The following DUOX2 variants were observed in gnomAD, a reference collection of about 807,000 sequenced individuals.
DUOX2 encodes NADH/NADPH thyroid oxidase p138-tox.
DUOX2 carries 185 observed loss-of-function variants against 183.3 expected under a neutral mutation model. That is an observed-to-expected ratio of 1.01 (90% confidence interval 0.90 to 1.14). The LOEUF (loss-of-function observed/expected upper bound fraction) is 1.14, where lower values mean the gene tolerates loss of function less well. Ranked by LOEUF, DUOX2 falls within the 50% of genes most tolerant of loss-of-function variation. DUOX2 has a pLI of 0.00. For missense variants in DUOX2, 1,999 were observed against 2,022.9 expected (o/e 0.99, Z 0.23); for synonymous variants, 788 against 812.4 (o/e 0.97, Z 0.51).
At chr15:45,106,758 A>C in intron 15 of DUOX2, 74 bp downstream of exon 15, 1 of 1,604,078 alleles carries the variant, frequency 6.2e-7, no homozygotes, top group Non-Finnish European at 8.5e-7. Flanking sequence ...AAACGGTACC[A>C]AATAGCCAGC....
intron 12 of DUOX2, 54 bp downstream of exon 12, chr15:45,108,735 C>A (rs993809364): frequency 6.4e-7 from 1 of 1,569,686 alleles, no homozygotes; most frequent in Non-Finnish European, 8.8e-7. Flanking sequence ...GGGTTTGGAA[C>A]AGTATTGCCA....
Position 45,112,038 on chromosome 15 carries a change from G to A in DUOX2, c.326-83C>T. 3.9e-6 allele frequency: 6 copies of A among 1,537,088 alleles called. 1 individual carries two copies. The South Asian group carries it at 5.9e-5, about 15-fold the overall frequency. The stretch of plus-strand genomic sequence containing the variant: ...CCAGGGCGGCCTCCAAGTGTCCTCA[G>A]GAGCCAAAAGACAGAGGTCCCAGTG... On this transcript the variant is annotated intron_variant, in intron 4 of 33. Coordinates refer to ENST00000389039, the MANE Select transcript of DUOX2 (RefSeq NM_001363711.2).
chr15:45,111,722 C>T lies in DUOX2; in HGVS notation c.513+46G>A, dbSNP rs1435872677. ...CCTGCCAGGCCCGAAGCCCAGGCCC[C>T]ACCTGGCTGGGGTGCGGTCCCTTCC... On this transcript the variant is annotated intron_variant, in intron 5 of 33. Transcript: ENST00000389039. The T allele has an allele frequency of 2.7e-6, 4 of 1,494,832 alleles. No homozygotes were observed. In the South Asian group the frequency reaches 5.3e-5, roughly 20 times the overall value. The allele number at this position is 1,494,832 out of a possible 1,614,324, so 92.6% of individuals were successfully genotyped here.
At chr15:45,095,227 C>G in intron 31 of DUOX2, 136 bp from the exon 32 acceptor site, 1 of 1,403,704 alleles carries the variant, frequency 7.1e-7, no homozygotes, top group Non-Finnish European at 9.7e-7. Flanking sequence ...CCAGCCTGAT[C>G]CCAGGCTTCC....
In DUOX2 at chr15:45,101,781, T is replaced by G; in HGVS notation, c.2851+12A>C. 1 of 1,614,168 alleles carries G rather than the reference T, an allele frequency of 6.2e-7. No homozygotes were observed. Among genetic ancestry groups the G allele is most frequent in the East Asian group, 2.2e-5 (1 of 44,878 alleles). ...CCCCCTCCCTGACGCCAACCATTCC[T>G]CACACACTCACCATTTCCACCTCCA... is the stretch of plus-strand genomic sequence containing the variant. On this transcript the variant is annotated intron_variant, in intron 21 of 33. Coordinates refer to ENST00000389039, the MANE Select transcript of DUOX2 (RefSeq NM_001363711.2).
At chr15:45,099,550 A>G in intron 25 of DUOX2, 68 bp from the exon 26 acceptor site, 2 of 1,579,120 alleles carry the variant, frequency 1.3e-6, no homozygotes, top group Non-Finnish European at 1.7e-6. Flanking sequence ...TGAGGGAGAG[A>G]GGAGGCATAG....
chr15:45,109,484 C>G, intron 11 of DUOX2, 40 bp downstream of exon 11: 2 of 1,596,194 alleles, frequency 1.3e-6, no homozygotes, highest in Non-Finnish European at 1.7e-6. Flanking sequence ...CTCAGGCTTC[C>G]TGGTCCCTTA....
At chr15:45,097,924 C>A in intron 27 of DUOX2, 85 bp downstream of exon 27, 1 of 1,533,794 alleles carries the variant, frequency 6.5e-7, no homozygotes, top group Non-Finnish European at 9.0e-7. Flanking sequence ...ACCCCATGGC[C>A]AGTATAGACA....
chr15:45,110,339 C>T (rs1021808787), intron 9 of DUOX2, 89 bp downstream of exon 9: 18 of 1,290,816 alleles, frequency 1.4e-5, no homozygotes, highest in African/African-American at 3.0e-5. Flanking sequence ...AGTGAAACTG[C>T]GAAGGAGTGT....
At chr15:45,101,483 A>G in intron 21 of DUOX2, 1 of 643,866 alleles carries the variant, frequency 1.6e-6, no homozygotes, top group Non-Finnish European at 2.8e-6. Context: ...TCTTAGGTGG[A>G]TGCAACCCTG....
intron 1 of DUOX2, 134 bp from the exon 2 acceptor site, chr15:45,113,559 G>A (rs189872179): frequency 4.4e-5 from 32 of 730,802 alleles, no homozygotes; most frequent in African/African-American, 4.2e-4. Flanking sequence ...GAAGGTAGCT[G>A]TTAGAAGCAT....
At chr15:45,110,592 C>T in intron 8 of DUOX2, 58 bp downstream of exon 8, 4 of 1,613,838 alleles carry the variant, frequency 2.5e-6, no homozygotes, top group Non-Finnish European at 2.5e-6. Context: ...ATCACAGGCA[C>T]CTGTCTCCTT....
At chr15:45,106,798 G>A (rs373962263) in intron 15 of DUOX2, 34 bp downstream of exon 15, 2 of 1,598,510 alleles carry the variant, frequency 1.3e-6, no homozygotes, top group Non-Finnish European at 8.5e-7. Context: ...TGAGGGGCAG[G>A]GCCAGTCTGC....
In DUOX2 at chr15:45,093,573, C is replaced by T. The variant is rs1362900176; in HGVS notation, c.*577G>A. The T allele has an allele frequency of 6.3e-6, 1 of 157,620 alleles. No homozygotes were observed. Among genetic ancestry groups the T allele is most frequent in the Non-Finnish European group, 1.4e-5 (1 of 71,230 alleles). 9.8% of individuals were successfully genotyped at this position (157,620 alleles called of 1,614,324 possible). On this transcript the variant is annotated 3_prime_UTR_variant, in exon 34 of 34. Transcript: ENST00000389039. ...TTGAGGCAGTCGGGCTGTCCAGGTTCTAAGCATCACAGCTTCTGCACTGGG... is the reference window on the plus strand; with the variant it reads ...TTGAGGCAGTCGGGCTGTCCAGGTTTTAAGCATCACAGCTTCTGCACTGGG...
intron 21 of DUOX2, 76 bp downstream of exon 21, chr15:45,101,710 AGACCTGG>A: frequency 7.6e-6 from 12 of 1,579,238 alleles, no homozygotes; most frequent in Non-Finnish European, 1.0e-5. Context: ...GAAAAGAGTA[AGACCTGG>A]GTCCTGCCCA....
At position 45,108,831 on chromosome 15, in the gene DUOX2, G is replaced by A; in HGVS notation, c.1356C>T (p.Ile452=). 6.2e-7 allele frequency: 1 copy of A among 1,614,212 alleles called. No homozygotes were observed. The highest frequency in any genetic ancestry group is 8.5e-7 in the Non-Finnish European group (1 of 1,180,038). The change falls in exon 12 of 34, where the codon ATC becomes ATT. Residue 452 remains isoleucine, a synonymous_variant. Coordinates refer to ENST00000389039, the MANE Select transcript of DUOX2 (RefSeq NM_001363711.2). ...SQALLAFGLD[I]PRNWSDLNPN... ...GGTTGAGATCACTCCAGTTCCTTGG[G>A]ATGTCCAGCCCAAAGGCCAGCAGGG...
At chr15:45,101,381 A>T (rs1894078072) in intron 21 of DUOX2, 107 bp from the exon 22 acceptor site, 1 of 974,282 alleles carries the variant, frequency 1.0e-6, no homozygotes, top group Admixed American at 2.0e-5. Flanking sequence ...CAGATCTCTG[A>T]CTCGAGTCCT....
In DUOX2 at chr15:45,107,924, G is replaced by A. The variant is rs116831463; in HGVS notation, c.1574+123C>T. The A allele has an allele frequency of 5.2e-3, 5,370 of 1,027,654 alleles. 169 individuals are homozygous for A. The African/African-American group carries it at 0.071, about 14-fold the overall frequency. The allele number at this position is 1,027,654 out of a possible 1,614,324, so 63.7% of individuals were successfully genotyped here. On this transcript the variant is annotated intron_variant, in intron 13 of 33. Coordinates refer to ENST00000389039, the MANE Select transcript of DUOX2 (RefSeq NM_001363711.2). Reference sequence around the variant, plus strand: ...AAGAAAAAAAGAGAGACCCAGAGGGGTTGGGAAGGGTGTGGTGGGCTGACT... The same window carrying A: ...AAGAAAAAAAGAGAGACCCAGAGGGATTGGGAAGGGTGTGGTGGGCTGACT...
chr15:45,101,312 C>CTGCCCTTGTGGGG, intron 21 of DUOX2, 38 bp from the exon 22 acceptor site: 1 of 1,579,880 alleles, frequency 6.3e-7, no homozygotes, highest in Non-Finnish European at 8.7e-7. Context: ...GGCTTCCCCA[C>CTGCCCTTGTGGGG]AAGGGCAGTG....
Sources: gnomAD v4.1 joint callset for allele counts on GRCh38, gnomAD v4.1.1 for gene constraint, MANE v1.5 for transcripts, NCBI Gene and HGNC (gene_info 2026-07-23, HGNC 2026-07-21) for gene names.